TRHDE: variants seen among roughly 807,000 people sequenced by gnomAD.
TRHDE encodes thyrotropin-releasing hormone-degrading ectoenzyme.
A neutral mutation model predicts 125.7 loss-of-function variants in TRHDE; 72 were observed. The ratio of observed to expected loss-of-function variants is 0.57; its 90% CI spans 0.47 to 0.70. The LOEUF is 0.70. Among genes scored for constraint, TRHDE ranks in the 30% least tolerant of loss-of-function variants. The probability of loss-of-function intolerance (pLI) is 0.00; values close to 1 mark genes in which losing one functional copy is unlikely to be tolerated. For missense variants in TRHDE, 1,110 were observed against 1,327.1 expected (o/e 0.84, Z 2.54); for synonymous variants, 509 against 509.1 (o/e 1.00, Z 0.00).
chr12:72,113,871 T>A (rs1008830700), intron 2 of TRHDE, among the ~76,000 whole-genome samples: 16 of 152,198 alleles, frequency 1.1e-4, no homozygotes, highest in African/African-American at 3.6e-4. Context: ...GGGTCCTTTT[T>A]TCTTATTCAT....
intron 2 of TRHDE, among the ~76,000 whole-genome samples, chr12:72,149,892 C>T (rs2139320243): frequency 6.6e-6 from 1 of 152,144 alleles, no homozygotes; most frequent in Middle Eastern, 3.4e-3. Flanking sequence ...CAAAGAGTTC[C>T]ACTATATGGA....
intron 1 of TRHDE, among the ~76,000 whole-genome samples, chr12:72,275,506 T>G (rs955775278): frequency 6.6e-6 from 1 of 152,240 alleles, no homozygotes; most frequent in Non-Finnish European, 1.5e-5. Flanking sequence ...CAGAATTATG[T>G]CAAATACGGG....
chr12:72,093,780 C>CT (rs371564006), intron 1 of TRHDE, among the ~76,000 whole-genome samples: 158 of 152,288 alleles, frequency 1.0e-3, no homozygotes, highest in Non-Finnish European at 1.8e-3. Context: ...TGTTGAGCTT[C>CT]TTTAAGATGC....
intron 1 of TRHDE, among the ~76,000 whole-genome samples, chr12:72,097,792 C>G (rs1164582954): frequency 6.6e-6 from 1 of 152,022 alleles, no homozygotes; most frequent in African/African-American, 2.4e-5. Context: ...CCTTCACTTT[C>G]ATTCCTTTTT....
chr12:72,628,966 C>CATGAGATAA (rs1323473757), intron 15 of TRHDE, among the ~76,000 whole-genome samples: 5 of 151,800 alleles, frequency 3.3e-5, no homozygotes, highest in Non-Finnish European at 7.4e-5. Context: ...TTCAGTCCAT[C>CATGAGATAA]ATGAGATAAA....
chr12:72,450,703 T>A (rs1236768685), intron 3 of TRHDE, among the ~76,000 whole-genome samples: 1 of 152,124 alleles, frequency 6.6e-6, no homozygotes, highest in Non-Finnish European at 1.5e-5. Context: ...TTTTAATTTA[T>A]TTAGGAACTT....
At chr12:72,144,095 A>C (rs1876174463) in intron 2 of TRHDE, among the ~76,000 whole-genome samples, 1 of 152,204 alleles carries the variant, frequency 6.6e-6, no homozygotes, top group Non-Finnish European at 1.5e-5. Context: ...CACCTATGGC[A>C]TCTTGTCATG....
At chr12:72,461,009 G>A (rs1476430694) in intron 3 of TRHDE, among the ~76,000 whole-genome samples, 1 of 151,934 alleles carries the variant, frequency 6.6e-6, no homozygotes, top group East Asian at 1.9e-4. Flanking sequence ...ATTGATTGCT[G>A]AAATGAAAAA....
intron 3 of TRHDE, among the ~76,000 whole-genome samples, chr12:72,461,887 C>T (rs1440954448): frequency 2.0e-5 from 3 of 152,162 alleles, no homozygotes; most frequent in Admixed American, 6.6e-5. Flanking sequence ...GGAAAGATCT[C>T]AAATAGTGAT....
rs969856654 is a variant in TRHDE, at chr12:72,641,251, T to C, written c.2676-11071T>C. Among the ~76,000 whole-genome samples, 3 of 152,244 alleles carry C rather than the reference T, an allele frequency of 2.0e-5. 1 individual carries two copies. The highest frequency in any genetic ancestry group is 7.2e-5 in the African/African-American group (3 of 41,464). On this transcript the variant is annotated intron_variant, in intron 15 of 18. Coordinates refer to ENST00000261180, the MANE Select transcript of TRHDE (RefSeq NM_013381.3). ...CTCTGTAAGATATTTTAAATTTATCTCTACATATTATTCAACAGCATTTTT... is the reference window on the plus strand; with the variant it reads ...CTCTGTAAGATATTTTAAATTTATCCCTACATATTATTCAACAGCATTTTT...
intron 2 of TRHDE, among the ~76,000 whole-genome samples, chr12:72,249,950 T>A (rs1878645599): frequency 6.6e-6 from 1 of 152,150 alleles, no homozygotes; most frequent in Non-Finnish European, 1.5e-5. Flanking sequence ...ATATAACTTA[T>A]ATAACAAAAG....
intron 15 of TRHDE, among the ~76,000 whole-genome samples, chr12:72,633,173 C>T (rs773628125): frequency 6.6e-6 from 1 of 151,848 alleles, no homozygotes; most frequent in Non-Finnish European, 1.5e-5. Flanking sequence ...TTTTAAAAGC[C>T]ACTTGAAAGG....
intron 2 of TRHDE, among the ~76,000 whole-genome samples, chr12:72,266,500 A>T (rs1284477313): frequency 6.6e-6 from 1 of 151,226 alleles, no homozygotes; most frequent in African/African-American, 2.4e-5. Context: ...TTATCTTACA[A>T]AATTATAATT....
intron 15 of TRHDE, among the ~76,000 whole-genome samples, chr12:72,642,771 C>G (rs1443834432): frequency 6.6e-6 from 1 of 152,134 alleles, no homozygotes; most frequent in Non-Finnish European, 1.5e-5. Context: ...GGGGCCCTCT[C>G]CTTGTAATCC....
intron 2 of TRHDE, among the ~76,000 whole-genome samples, chr12:72,341,539 T>C (rs1446141677): frequency 6.6e-6 from 1 of 152,172 alleles, no homozygotes; most frequent in Non-Finnish European, 1.5e-5. Context: ...ATTCCATAGA[T>C]GAAAGAGTGC....
chr12:72,188,626 T>G (rs886968981), intron 2 of TRHDE, among the ~76,000 whole-genome samples: 5 of 152,232 alleles, frequency 3.3e-5, no homozygotes, highest in Non-Finnish European at 5.9e-5. Context: ...GAGGCAGCCT[T>G]AGCTCCTGCT....
intron 3 of TRHDE, among the ~76,000 whole-genome samples, chr12:72,399,585 T>C (rs1472106278): frequency 1.3e-5 from 2 of 152,178 alleles, no homozygotes; most frequent in Non-Finnish European, 2.9e-5. Flanking sequence ...ATTTTTATCA[T>C]GAAAAACACT....
At chr12:72,218,080 T>C (rs1035548309) in intron 2 of TRHDE, among the ~76,000 whole-genome samples, 1 of 152,104 alleles carries the variant, frequency 6.6e-6, no homozygotes, top group Non-Finnish European at 1.5e-5. Flanking sequence ...TTGGAACAGA[T>C]GTGTAATAAA....
intron 7 of TRHDE, among the ~76,000 whole-genome samples, chr12:72,551,263 G>T (rs1439312861): frequency 2.6e-5 from 4 of 151,964 alleles, no homozygotes; most frequent in African/African-American, 9.7e-5. Context: ...TTCTCTTTTG[G>T]TCTACCTCTG....
Sources: allele counts gnomAD v4.1 joint callset (sites outside exome capture counted in the v4.1 genomes callset), GRCh38; gene constraint gnomAD v4.1.1; transcripts MANE v1.5; gene names NCBI Gene and HGNC (gene_info 2026-07-23, HGNC 2026-07-21).